TAFA5: variants seen among roughly 807,000 people sequenced by gnomAD.
TAFA5 encodes TAFA chemokine like family member 5, also known as chemokine-like protein TAFA-5.
A neutral mutation model predicts 15.3 loss-of-function variants in TAFA5; 6 were observed. The ratio of observed to expected loss-of-function variants is 0.39; its 90% CI spans 0.21 to 0.77. TAFA5 has a LOEUF of 0.77. Among genes scored for constraint, TAFA5 ranks in the 30% least tolerant of loss-of-function variants. The probability of loss-of-function intolerance (pLI) is 0.41; values close to 1 mark genes in which losing one functional copy is unlikely to be tolerated. For synonymous variants in TAFA5, 103 were observed against 80.7 expected (o/e 1.28, Z -1.48); for missense variants, 161 against 193.1 (o/e 0.83, Z 0.98).
chr22:48,489,738 C>T lies in TAFA5; in HGVS notation c.112+34C>T, dbSNP rs1928073523. The stretch of plus-strand genomic sequence containing the variant: ...CGCGCGGCCCCGGCCCCGGCACGGC[C>T]CTCTGGGCCCCGGACCCCCTCCTCC... On this transcript the variant is annotated intron_variant, in intron 1 of 3. Coordinates refer to ENST00000402357, the MANE Select transcript of TAFA5 (RefSeq NM_001082967.3). The surrounding 1 kb of genome is among the most constrained non-coding windows in gnomAD (Gnocchi z 5.5). 3 of 1,310,916 alleles carry T rather than the reference C, an allele frequency of 2.3e-6. No homozygotes were observed. The highest frequency in any genetic ancestry group is 3.0e-6 in the Non-Finnish European group (3 of 998,434). The allele number at this position is 1,310,916 out of a possible 1,614,324, so 81.2% of individuals were successfully genotyped here.
At chr22:48,747,384 T>G (rs887823712) in intron 3 of TAFA5, among the ~76,000 whole-genome samples, 4 of 152,188 alleles carry the variant, frequency 2.6e-5, no homozygotes, top group African/African-American at 9.7e-5. Context: ...GCTCTGCACC[T>G]TCAGGGAGCA....
chr22:48,723,218 C>T (rs188794482), intron 3 of TAFA5, among the ~76,000 whole-genome samples: 3 of 152,218 alleles, frequency 2.0e-5, no homozygotes, highest in Non-Finnish European at 4.4e-5. Flanking sequence ...CCAGCCACCC[C>T]CTTCCAAATG....
chr22:48,683,511 A>AC (rs781277785), intron 2 of TAFA5, among the ~76,000 whole-genome samples: 22 of 152,012 alleles, frequency 1.4e-4, no homozygotes, highest in Non-Finnish European at 2.2e-4. Context: ...AAGTGAGTTT[A>AC]CCTGAAGGGA....
rs539893545 is a variant in TAFA5, at chr22:48,701,522, T to C, written c.263-6195T>C. 1.2e-3 allele frequency among the ~76,000 whole-genome samples: 181 copies of C among 152,236 alleles called. 1 individual carries two copies. The highest frequency in any genetic ancestry group is 4.2e-3 in the African/African-American group (175 of 41,534). Reference sequence around the variant, plus strand: ...TAAACTTTCCTCCCAGGCCTTTGTGTAGATGGGGTTTTTGAAGTCCCCTTT... The same window carrying C: ...TAAACTTTCCTCCCAGGCCTTTGTGCAGATGGGGTTTTTGAAGTCCCCTTT... On this transcript the variant is annotated intron_variant, in intron 2 of 3. Coordinates refer to ENST00000402357, the MANE Select transcript of TAFA5 (RefSeq NM_001082967.3).
At chr22:48,733,420 G>T (rs1040601096) in intron 3 of TAFA5, among the ~76,000 whole-genome samples, 2 of 152,168 alleles carry the variant, frequency 1.3e-5, no homozygotes, top group East Asian at 1.9e-4. Flanking sequence ...TTTTCAAATG[G>T]AACCCTCACA....
intron 1 of TAFA5, among the ~76,000 whole-genome samples, chr22:48,540,067 G>A (rs529514935): frequency 3.3e-5 from 5 of 152,294 alleles, no homozygotes; most frequent in South Asian, 2.1e-4. Flanking sequence ...GGTAAAAGCC[G>A]GCAAGCCTTG....
intron 2 of TAFA5, among the ~76,000 whole-genome samples, chr22:48,666,874 G>A (rs1457020137): frequency 4.6e-5 from 7 of 152,184 alleles, no homozygotes; most frequent in African/African-American, 1.7e-4. Context: ...GAGGGTGGCC[G>A]ACTGTCTCAG....
chr22:48,508,095 C>T (rs897924204), intron 1 of TAFA5, among the ~76,000 whole-genome samples: 3 of 152,092 alleles, frequency 2.0e-5, no homozygotes, highest in African/African-American at 7.2e-5. Flanking sequence ...GCTGGTGCAA[C>T]CCTGAGGCAG....
At chr22:48,734,853 A>G (rs1929963229) in intron 3 of TAFA5, among the ~76,000 whole-genome samples, 1 of 152,202 alleles carries the variant, frequency 6.6e-6, no homozygotes, top group Non-Finnish European at 1.5e-5. Flanking sequence ...ATTTGGGGAA[A>G]AACCCAAGTT....
intron 1 of TAFA5, among the ~76,000 whole-genome samples, chr22:48,606,765 C>T (rs1925208249): frequency 6.6e-6 from 1 of 152,100 alleles, no homozygotes; most frequent in Non-Finnish European, 1.5e-5. Flanking sequence ...TACCTGGAGG[C>T]CTGGGTGCAG....
intron 1 of TAFA5, among the ~76,000 whole-genome samples, chr22:48,630,437 G>A (rs545401947): frequency 3.3e-5 from 5 of 152,270 alleles, no homozygotes; most frequent in African/African-American, 4.8e-5. Flanking sequence ...GCTTTGGGGC[G>A]TGCGTGGCCT....
chr22:48,677,945 C>T (rs1928027248), intron 2 of TAFA5, among the ~76,000 whole-genome samples: 1 of 151,990 alleles, frequency 6.6e-6, no homozygotes, highest in Non-Finnish European at 1.5e-5. Context: ...CCAGACCTTC[C>T]AGTCCCCCAG....
Position 48,633,826 on chromosome 22 carries a change from G to A in TAFA5, c.113-12771G>A, listed in dbSNP as rs1184095916. Among the ~76,000 whole-genome samples, 3 of 152,174 alleles carry A rather than the reference G, an allele frequency of 2.0e-5. No homozygotes were observed. In the South Asian group the frequency reaches 6.2e-4, roughly 31 times the overall value. On this transcript the variant is annotated intron_variant, in intron 1 of 3. Transcript: ENST00000402357. ...TGGGAGGAAGCCAGAACGTGGAAAC[G>A]GTGAAATACTGAGAAATTGAATGTT...
At chr22:48,733,032 A>G (rs111925998) in intron 3 of TAFA5, among the ~76,000 whole-genome samples, 2,955 of 152,306 alleles carry the variant, frequency 0.019, 88 homozygotes, top group African/African-American at 0.068. Flanking sequence ...TAGCTTTTAT[A>G]TGCACTGGGA....
intron 1 of TAFA5, among the ~76,000 whole-genome samples, chr22:48,583,033 A>G (rs983445264): frequency 6.8e-6 from 1 of 147,662 alleles, no homozygotes; most frequent in East Asian, 2.0e-4. Context: ...CACATGCAAA[A>G]TACACCACAC....
intron 1 of TAFA5, among the ~76,000 whole-genome samples, chr22:48,511,586 G>A (rs1297046262): frequency 1.7e-4 from 26 of 152,204 alleles, no homozygotes; most frequent in Non-Finnish European, 1.5e-5. Flanking sequence ...AAAACTCTGT[G>A]TTTTCTCCAA....
chr22:48,688,281 A>C (rs1271291881), intron 2 of TAFA5, among the ~76,000 whole-genome samples: 1 of 152,234 alleles, frequency 6.6e-6, no homozygotes, highest in African/African-American at 2.4e-5. Flanking sequence ...TACTGTAACT[A>C]TTTAAAGAAA....
At chr22:48,522,698 C>A (rs962708711) in intron 1 of TAFA5, among the ~76,000 whole-genome samples, 2 of 152,186 alleles carry the variant, frequency 1.3e-5, no homozygotes, top group Non-Finnish European at 2.9e-5. Context: ...GCCTGGACAT[C>A]ATCTGGGCCT....
Position 48,592,614 on chromosome 22 carries a change from G to A in TAFA5, c.113-53983G>A, listed in dbSNP as rs140869029. 2.3e-3 allele frequency among the ~76,000 whole-genome samples: 345 copies of A among 152,204 alleles called. 1 individual carries two copies. The highest frequency in any genetic ancestry group is 3.8e-3 in the Non-Finnish European group (258 of 68,004). ...TCATCTCTGGGGCGCACTCCTCTGC[G>A]CTCTGCCTGTCTGGCCGGTATCTGC... On this transcript the variant is annotated intron_variant, in intron 1 of 3. Coordinates refer to ENST00000402357, the MANE Select transcript of TAFA5 (RefSeq NM_001082967.3).
Sources: gnomAD v4.1 joint callset for allele counts (sites outside exome capture counted in the v4.1 genomes callset) on GRCh38, gnomAD v4.1.1 for gene constraint, Gnocchi (gnomAD v3.1) non-coding constraint, MANE v1.5 for transcripts, NCBI Gene and HGNC (gene_info 2026-07-23, HGNC 2026-07-21) for gene names.